XRN2: variants seen among roughly 807,000 people sequenced by gnomAD.
The protein encoded by XRN2 is DHM1-like protein.
In XRN2, 44 loss-of-function variants were observed where a neutral mutation model predicts 138.5. That is an observed-to-expected ratio of 0.32 (90% CI 0.25 to 0.41). The LOEUF (loss-of-function observed/expected upper bound fraction) is 0.41, where lower values mean the gene tolerates loss of function less well. XRN2 is among the 10% of genes least tolerant of loss of function. The pLI is 1.00. For missense variants in XRN2, 937 were observed against 1,169.3 expected (o/e 0.80, Z 2.90); for synonymous variants, 354 against 369.4 (o/e 0.96, Z 0.48).
intron 19 of XRN2, 26 bp downstream of exon 19, chr20:21,348,456 G>T: frequency 6.3e-7 from 1 of 1,592,490 alleles, no homozygotes; most frequent in South Asian, 1.1e-5. Context: ...TTGAGTGTGT[G>T]GGTGACAGGA....
chr20:21,365,881 T>TATAATATATAATTATATATATAA (rs1347511365), intron 26 of XRN2, among the ~76,000 whole-genome samples, 177 bp downstream of exon 26: 2 of 85,244 alleles, frequency 2.3e-5, no homozygotes, highest in African/African-American at 9.2e-5. Flanking sequence ...ATATATAATA[T>TATAATATATAATTATATATATAA]TATATAATAT....
chr20:21,323,543 A>G (rs1210581007), intron 1 of XRN2, among the ~76,000 whole-genome samples: 1 of 152,238 alleles, frequency 6.6e-6, no homozygotes, highest in Non-Finnish European at 1.5e-5. Context: ...TTTGTTGAGC[A>G]TCAGAGTCTT....
chr20:21,338,976 C>G (rs754561859), intron 13 of XRN2, 68 bp from the exon 14 acceptor site: 14 of 1,450,314 alleles, frequency 9.7e-6, no homozygotes, highest in Non-Finnish European at 1.3e-5. Flanking sequence ...CAAATCATTC[C>G]TGGTAATGCT....
chr20:21,372,016 C>T (rs1463503100), intron 27 of XRN2, among the ~76,000 whole-genome samples: 1 of 152,184 alleles, frequency 6.6e-6, no homozygotes, highest in African/African-American at 2.4e-5. Context: ...TGTGTACTTA[C>T]AAAGTACAAA....
At chr20:21,321,831 T>G (rs2038050524) in intron 1 of XRN2, among the ~76,000 whole-genome samples, 1 of 152,212 alleles carries the variant, frequency 6.6e-6, no homozygotes, top group African/African-American at 2.4e-5. Flanking sequence ...AAGCTCTTCA[T>G]GCTGTCATGT....
intron 27 of XRN2, among the ~76,000 whole-genome samples, chr20:21,369,695 G>T (rs1380871253): frequency 1.3e-5 from 2 of 152,070 alleles, no homozygotes; most frequent in Non-Finnish European, 2.9e-5. Flanking sequence ...CAGATATTTT[G>T]CCCACTTTAA....
chr20:21,377,269 T>TTTTTTTTTTTTTC (rs1312472842), intron 27 of XRN2, among the ~76,000 whole-genome samples: 5 of 134,224 alleles, frequency 3.7e-5, no homozygotes, highest in Non-Finnish European at 7.9e-5. Flanking sequence ...TTTTTCTTTT[T>TTTTTTTTTTTTTC]TTTTTTTTTG....
chr20:21,375,833 A>T (rs1174106118), intron 27 of XRN2, among the ~76,000 whole-genome samples: 1 of 149,100 alleles, frequency 6.7e-6, no homozygotes, highest in Admixed American at 6.7e-5. Flanking sequence ...TTTATTTTTT[A>T]TTTATTTATT....
At chr20:21,314,735 T>C (rs776157578) in intron 1 of XRN2, among the ~76,000 whole-genome samples, 21 of 152,174 alleles carry the variant, frequency 1.4e-4, no homozygotes, top group Non-Finnish European at 2.6e-4. Context: ...TGCACTATTT[T>C]ATATTCCCAC....
rs1351929239 is a variant in XRN2, at chr20:21,348,260, T to C, written c.1773+7T>C. On this transcript the variant is annotated splice_region_variant and intron_variant, in intron 18 of 29. Coordinates refer to ENST00000377191, the MANE Select transcript of XRN2 (RefSeq NM_012255.5). ...TGAGAAGGGTACGAAACCGGTAAGCTTAATTACTTAAAGTCATAAAGTTTA... is the reference window on the plus strand; with the variant it reads ...TGAGAAGGGTACGAAACCGGTAAGCCTAATTACTTAAAGTCATAAAGTTTA... 1 of 1,613,228 alleles carries C rather than the reference T, an allele frequency of 6.2e-7. No homozygotes were observed. Among genetic ancestry groups the C allele is most frequent in the Non-Finnish European group, 8.5e-7 (1 of 1,179,720 alleles).
intron 1 of XRN2, among the ~76,000 whole-genome samples, chr20:21,304,465 C>A (rs534085819): frequency 4.6e-5 from 7 of 151,502 alleles, no homozygotes; most frequent in Non-Finnish European, 8.8e-5. Flanking sequence ...AAATTGAATA[C>A]TTGTTTCCTT....
In XRN2 at chr20:21,361,139, A is replaced by G. The variant is rs542208244; in HGVS notation, c.2255+3347A>G. ...ATCAGAAAAAGGTGTTCTATATTCC[A>G]TTCCTTTTCTATTGAGACTTTGCTA... On this transcript the variant is annotated intron_variant, in intron 24 of 29. Coordinates refer to ENST00000377191, the MANE Select transcript of XRN2 (RefSeq NM_012255.5). Among the ~76,000 whole-genome samples the G allele has an allele frequency of 2.0e-5, 3 of 152,340 alleles. 1 individual carries two copies. In the South Asian group the frequency reaches 6.2e-4, roughly 32 times the overall value.
Position 21,332,015 on chromosome 20 carries a change from C to G in XRN2, c.700+197C>G, listed in dbSNP as rs202838. 0.14 allele frequency among the ~76,000 whole-genome samples: 21,017 copies of G among 152,212 alleles called. 1,784 individuals are homozygous for G. Among genetic ancestry groups the G allele is most frequent in the Non-Finnish European group, 0.19 (12,919 of 67,982 alleles). Reference sequence around the variant, plus strand: ...CTTTAATTTCTTTTCTTCTTTCTTACATTTTTCAACCTTTTAACTCCCCAT... The same window carrying G: ...CTTTAATTTCTTTTCTTCTTTCTTAGATTTTTCAACCTTTTAACTCCCCAT... On this transcript the variant is annotated intron_variant, in intron 8 of 29. Coordinates refer to ENST00000377191, the MANE Select transcript of XRN2 (RefSeq NM_012255.5).
At chr20:21,337,004 G>A (rs577792714) in intron 13 of XRN2, among the ~76,000 whole-genome samples, 142 of 152,340 alleles carry the variant, frequency 9.3e-4, no homozygotes, top group Admixed American at 1.7e-3. Context: ...TGTGGAAGGA[G>A]CAGAGGAGGC....
chr20:21,347,685 T>G (rs2122250014), intron 17 of XRN2, among the ~76,000 whole-genome samples: 1 of 152,338 alleles, frequency 6.6e-6, no homozygotes, highest in Non-Finnish European at 1.5e-5. Flanking sequence ...AATATAATGG[T>G]GAATTTTAAA....
intron 29 of XRN2, among the ~76,000 whole-genome samples, chr20:21,387,941 A>G (rs1180055439): frequency 1.8e-5 from 1 of 56,598 alleles, no homozygotes; most frequent in African/African-American, 1.1e-4. Flanking sequence ...TTAATTGCAA[A>G]TAATTTCTTC....
At chr20:21,374,757 T>C (rs2038799722) in intron 27 of XRN2, among the ~76,000 whole-genome samples, 1 of 152,028 alleles carries the variant, frequency 6.6e-6, no homozygotes, top group South Asian at 2.1e-4. Flanking sequence ...TAGTTTTATT[T>C]CCCTTTTTTG....
intron 27 of XRN2, 105 bp downstream of exon 27, chr20:21,368,695 C>A: frequency 7.0e-7 from 1 of 1,432,098 alleles, no homozygotes; most frequent in Non-Finnish European, 9.3e-7. Flanking sequence ...TCAGTGCAGA[C>A]AGTGAACTTT....
At chr20:21,320,949 G>T (rs902183275) in intron 1 of XRN2, among the ~76,000 whole-genome samples, 21 of 152,068 alleles carry the variant, frequency 1.4e-4, no homozygotes, top group African/African-American at 4.6e-4. Context: ...TGTAGTCCAG[G>T]CCTGTATCTT....
Sources: allele counts gnomAD v4.1 joint callset (sites outside exome capture counted in the v4.1 genomes callset), GRCh38; gene constraint gnomAD v4.1.1; transcripts MANE v1.5; gene names NCBI Gene and HGNC (gene_info 2026-07-23, HGNC 2026-07-21).